The following ABI3BP variants were observed in gnomAD, a reference collection of about 807,000 sequenced individuals.
ABI3BP encodes the protein target of Nesh-SH3.
Under a neutral mutation model 268.6 loss-of-function variants are expected in ABI3BP, and 216 were observed. The ratio of observed to expected loss-of-function variants is 0.80; its 90% confidence interval spans 0.72 to 0.90. The LOEUF (loss-of-function observed/expected upper bound fraction) is 0.90, where lower values mean the gene tolerates loss of function less well. Ranked by LOEUF, ABI3BP falls within the 40% of genes least tolerant of loss-of-function variation. The pLI is 0.00. For missense variants in ABI3BP, 2,090 were observed against 2,182.4 expected (o/e 0.96, Z 0.84); for synonymous variants, 730 against 730.0 (o/e 1.00, Z 0.00).
chr3:100,801,567 G>A (rs569360244), intron 51 of ABI3BP, among the ~76,000 whole-genome samples: 142 of 152,132 alleles, frequency 9.3e-4, no homozygotes, highest in Non-Finnish European at 1.8e-3. Flanking sequence ...TGAGGGAAAA[G>A]CATACTGATA....
chr3:100,912,156 A>C, intron 2 of ABI3BP: 1 of 452,492 alleles, frequency 2.2e-6, no homozygotes, highest in Non-Finnish European at 4.0e-6. Flanking sequence ...AAAGCCCAAG[A>C]ACACCTGCTC....
At chr3:100,792,601 G>T in intron 55 of ABI3BP, 90 bp downstream of exon 55, 16 of 1,322,166 alleles carry the variant, frequency 1.2e-5, no homozygotes, top group Non-Finnish European at 1.7e-5. Context: ...AATCCACTGT[G>T]TTGAGAAATG....
chr3:100,809,473 T>A (rs1368858980), intron 49 of ABI3BP, among the ~76,000 whole-genome samples: 1 of 152,104 alleles, frequency 6.6e-6, no homozygotes, highest in Non-Finnish European at 1.5e-5. Flanking sequence ...CTAATAGCAG[T>A]ATTTGCAATG....
intron 55 of ABI3BP, 133 bp from the exon 56 acceptor site, chr3:100,789,649 A>G (rs2097146590): frequency 5.1e-6 from 4 of 781,198 alleles, no homozygotes; most frequent in African/African-American, 1.8e-5. Flanking sequence ...AATTCCCATT[A>G]TGCATTATAG....
chr3:100,781,773 A>G (rs1238001902), intron 57 of ABI3BP, among the ~76,000 whole-genome samples: 1 of 152,174 alleles, frequency 6.6e-6, no homozygotes. Context: ...TTGAAAAACA[A>G]AGTATCTTGA....
intron 31 of ABI3BP, among the ~76,000 whole-genome samples, 192 bp downstream of exon 31, chr3:100,832,072 A>C (rs1426247602): frequency 2.4e-4 from 36 of 152,178 alleles, no homozygotes; most frequent in Admixed American, 2.4e-3. Flanking sequence ...AAGAGTAAAT[A>C]ATCATCAGCA....
At chr3:100,907,332 A>G (rs1385676518) in intron 2 of ABI3BP, among the ~76,000 whole-genome samples, 1 of 152,168 alleles carries the variant, frequency 6.6e-6, no homozygotes, top group Non-Finnish European at 1.5e-5. Context: ...CATCTCTACA[A>G]AAAAGACAAA....
chr3:100,888,066 T>C (rs763316251), intron 4 of ABI3BP, among the ~76,000 whole-genome samples: 2 of 152,054 alleles, frequency 1.3e-5, no homozygotes, highest in Non-Finnish European at 2.9e-5. Flanking sequence ...TGCATTTGTA[T>C]ATTCAGCCTA....
At chr3:100,949,532 C>T (rs1449304) in intron 1 of ABI3BP, among the ~76,000 whole-genome samples, 1 of 152,184 alleles carries the variant, frequency 6.6e-6, no homozygotes, top group Non-Finnish European at 1.5e-5. Context: ...TCAAAAGTTG[C>T]TGGGATTACA....
chr3:100,881,604 A>G (rs933769794), intron 6 of ABI3BP, among the ~76,000 whole-genome samples: 1 of 152,070 alleles, frequency 6.6e-6, no homozygotes, highest in Admixed American at 6.6e-5. Flanking sequence ...TTTATTTTTT[A>G]AAATAATAAA....
intron 54 of ABI3BP, 118 bp downstream of exon 54, chr3:100,794,805 G>A (rs1371518347): frequency 1.3e-5 from 9 of 707,938 alleles, no homozygotes; most frequent in Non-Finnish European, 2.2e-5. Flanking sequence ...TGAGTGAAAT[G>A]GATTTTTAAA....
chr3:100,778,275 C>G lies in ABI3BP; in HGVS notation c.4333+9G>C, dbSNP rs140798682. 1.9e-6 allele frequency: 3 copies of G among 1,612,522 alleles called. No individual in the cohort carries two copies. Among genetic ancestry groups the G allele is most frequent in the Non-Finnish European group, 2.5e-6 (3 of 1,178,988 alleles). Reference sequence around the variant, plus strand: ...ATGGCGGGAAAAGGAAGGTACATGACTAACGTACCTGCACTTCCTGGCTTT... The same window carrying G: ...ATGGCGGGAAAAGGAAGGTACATGAGTAACGTACCTGCACTTCCTGGCTTT... On this transcript the variant is annotated intron_variant, in intron 59 of 67. Coordinates refer to ENST00000471714, the MANE Select transcript of ABI3BP (RefSeq NM_001375547.2).
At chr3:100,931,229 A>C (rs2063527891) in intron 1 of ABI3BP, among the ~76,000 whole-genome samples, 1 of 152,176 alleles carries the variant, frequency 6.6e-6, no homozygotes, top group Non-Finnish European at 1.5e-5. Context: ...ACCCACAGCC[A>C]GCCAACATCA....
intron 2 of ABI3BP, among the ~76,000 whole-genome samples, chr3:100,904,118 T>C (rs1561488453): frequency 6.6e-6 from 1 of 152,178 alleles, no homozygotes; most frequent in Admixed American, 6.5e-5. Flanking sequence ...GGATACTATA[T>C]TGAGAACCTT....
In ABI3BP at chr3:100,837,134, T is replaced by C. The variant is rs923868022; in HGVS notation, c.2121A>G (p.Ser707=). The C allele has an allele frequency of 1.4e-5, 22 of 1,534,736 alleles. No homozygotes were observed. In the Admixed American group the frequency reaches 4.1e-4, roughly 29 times the overall value. The change falls in exon 27 of 68, where the codon TCA becomes TCG. Residue 707 remains serine (S), a synonymous_variant. Transcript: ENST00000471714. ...EPVPFETEAP[S]MTIVPTTDIE... Reference sequence around the variant, plus strand: ...AGAAAGCATCATTACCTATGGTCATTGAGGGAGCTTCAGTTTCAAATGGAA... The same window carrying C: ...AGAAAGCATCATTACCTATGGTCATCGAGGGAGCTTCAGTTTCAAATGGAA...
chr3:100,780,550 C>T (rs1577419855), intron 57 of ABI3BP, among the ~76,000 whole-genome samples: 2 of 152,142 alleles, frequency 1.3e-5, no homozygotes, highest in East Asian at 1.9e-4. Flanking sequence ...CAATATTCAT[C>T]AGTACATTTT....
At chr3:100,855,555 A>G (rs1293203075) in intron 14 of ABI3BP, among the ~76,000 whole-genome samples, 1 of 152,248 alleles carries the variant, frequency 6.6e-6, no homozygotes, top group Non-Finnish European at 1.5e-5. Flanking sequence ...CAAGATGTCC[A>G]TTACAATAAA....
At chr3:100,751,484 C>A in intron 67 of ABI3BP, 68 bp downstream of exon 67, 1 of 1,414,460 alleles carries the variant, frequency 7.1e-7, no homozygotes, top group Non-Finnish European at 9.3e-7. Context: ...GCTTGCTTTC[C>A]TCAGCTTGAT....
intron 1 of ABI3BP, among the ~76,000 whole-genome samples, chr3:100,926,878 C>G (rs2061953658): frequency 6.6e-6 from 1 of 152,050 alleles, no homozygotes; most frequent in African/African-American, 2.4e-5. Flanking sequence ...CTTTCCAGTG[C>G]CACATCCACA....
Sources: allele counts gnomAD v4.1 joint callset (sites outside exome capture counted in the v4.1 genomes callset), GRCh38; gene constraint gnomAD v4.1.1; transcripts MANE v1.5; gene names NCBI Gene and HGNC (gene_info 2026-07-23, HGNC 2026-07-21).